The following AK9 variants were observed in gnomAD, a reference collection of about 807,000 sequenced individuals.
The protein encoded by AK9 is adenylate kinase domain containing 1.
AK9 carries 191 observed loss-of-function variants against 239.6 expected under a neutral mutation model. That is an observed-to-expected ratio of 0.80 (90% CI 0.71 to 0.90). The LOEUF (loss-of-function observed/expected upper bound fraction) is 0.90. Ranked by LOEUF, AK9 falls within the 40% of genes least tolerant of loss-of-function variation. AK9 has a pLI of 0.00. For missense variants in AK9, 1,995 were observed against 2,214.7 expected (o/e 0.90, Z 1.99); for synonymous variants, 689 against 721.0 (o/e 0.96, Z 0.71).
intron 8 of AK9, among the ~76,000 whole-genome samples, chr6:109,654,721 G>T (rs1323948503): frequency 6.6e-6 from 1 of 152,212 alleles, no homozygotes; most frequent in African/African-American, 2.4e-5. Context: ...TAAGGAAATG[G>T]ATACCTGCAC....
intron 33 of AK9, among the ~76,000 whole-genome samples, chr6:109,508,858 A>T (rs543476925): frequency 6.6e-6 from 1 of 152,166 alleles, no homozygotes; most frequent in Non-Finnish European, 1.5e-5. Flanking sequence ...CCATAACTTC[A>T]TGGGGCAGTG....
chr6:109,514,217 C>T lies in AK9; in HGVS notation c.4279+7G>A, dbSNP rs772829747. 41 of 1,546,556 alleles carry T rather than the reference C, an allele frequency of 2.7e-5. No individual in the cohort carries two copies. Among genetic ancestry groups the T allele is most frequent in the Middle Eastern group, 3.3e-4 (2 of 5,996 alleles). The stretch of plus-strand genomic sequence containing the variant: ...CTTGAGGAAAACAAAGGCAAACATA[C>T]GCTCACCTGTAGTTTTCCCAGATTT... On this transcript the variant is annotated splice_region_variant and intron_variant, in intron 32 of 40. Coordinates refer to ENST00000424296, the MANE Select transcript of AK9 (RefSeq NM_001145128.3).
chr6:109,522,369 T>C (rs1779959291), intron 29 of AK9, among the ~76,000 whole-genome samples: 1 of 152,030 alleles, frequency 6.6e-6, no homozygotes, highest in African/African-American at 2.4e-5. Context: ...AATATTTCCT[T>C]CTTTATTTTC....
chr6:109,678,342 T>G (rs1304446122), intron 1 of AK9, among the ~76,000 whole-genome samples: 2 of 152,220 alleles, frequency 1.3e-5, no homozygotes, highest in African/African-American at 2.4e-5. Flanking sequence ...GTCTTATTTA[T>G]GTAACATTCT....
In AK9 at chr6:109,622,166, T is replaced by G. The variant is rs1164021990; in HGVS notation, c.1255-2930A>C. Among the ~76,000 whole-genome samples, 14 of 146,140 alleles carry G rather than the reference T, an allele frequency of 9.6e-5. No homozygotes were observed. In the South Asian group the frequency reaches 3.0e-3, roughly 31 times the overall value. On this transcript the variant is annotated intron_variant, in intron 12 of 40. Coordinates refer to ENST00000424296, the MANE Select transcript of AK9 (RefSeq NM_001145128.3). ...TTTATACATTATATAATATACATTT[T>G]TATATATTTTATACATTATATATAA...
At chr6:109,629,301 A>C (rs1371612461) in intron 12 of AK9, among the ~76,000 whole-genome samples, 1 of 152,132 alleles carries the variant, frequency 6.6e-6, no homozygotes, top group Non-Finnish European at 1.5e-5. Flanking sequence ...CTCAAATTCT[A>C]TAATGTAACT....
At chr6:109,651,788 A>C (rs1197326169) in intron 8 of AK9, among the ~76,000 whole-genome samples, 3 of 152,172 alleles carry the variant, frequency 2.0e-5, no homozygotes, top group Non-Finnish European at 4.4e-5. Context: ...AATACTATAA[A>C]TACTAGAAAA....
intron 17 of AK9, among the ~76,000 whole-genome samples, chr6:109,586,673 G>A (rs1789543997): frequency 6.6e-6 from 1 of 152,072 alleles, no homozygotes; most frequent in African/African-American, 2.4e-5. Flanking sequence ...AGAGCTAAAA[G>A]GTACTGAGAT....
chr6:109,516,223 C>T (rs1448325660), intron 30 of AK9, 148 bp from the exon 31 acceptor site: 7 of 904,706 alleles, frequency 7.7e-6, no homozygotes, highest in Non-Finnish European at 1.1e-5. Flanking sequence ...ATGTTGGTGA[C>T]TAAACTTACT....
chr6:109,654,345 T>A (rs893608752), intron 8 of AK9, among the ~76,000 whole-genome samples: 6 of 151,820 alleles, frequency 4.0e-5, no homozygotes, highest in Admixed American at 6.6e-5. Flanking sequence ...ATATATATTT[T>A]TTTTCTTTTT....
chr6:109,620,308 C>G (rs1208105494), intron 12 of AK9, among the ~76,000 whole-genome samples: 1 of 152,136 alleles, frequency 6.6e-6, no homozygotes, highest in African/African-American at 2.4e-5. Flanking sequence ...CGCATCCTCA[C>G]CAACACTTGG....
intron 27 of AK9, among the ~76,000 whole-genome samples, chr6:109,541,489 C>A (rs1782876853): frequency 6.6e-6 from 1 of 152,226 alleles, no homozygotes. Context: ...CGGCTCACTG[C>A]AACCTCTGTC....
At chr6:109,497,393 C>CTCT (rs1305937222) in intron 38 of AK9, 72 bp downstream of exon 38, 1 of 884,438 alleles carries the variant, frequency 1.1e-6, no homozygotes, top group Admixed American at 2.0e-5. Flanking sequence ...CTCACACACT[C>CTCT]CTCTCCCCCG....
At chr6:109,542,411 G>A (rs935953889) in intron 26 of AK9, among the ~76,000 whole-genome samples, 25 of 152,066 alleles carry the variant, frequency 1.6e-4, no homozygotes, top group African/African-American at 5.8e-4. Flanking sequence ...TAGCACAGAG[G>A]GAAACTATAG....
intron 5 of AK9, among the ~76,000 whole-genome samples, chr6:109,667,122 G>A (rs1021146200): frequency 6.9e-6 from 1 of 144,070 alleles, no homozygotes; most frequent in East Asian, 2.1e-4. Context: ...ATTATAGATC[G>A]TGTAGGCCCT....
chr6:109,681,510 C>A (rs1264482524), intron 1 of AK9, among the ~76,000 whole-genome samples: 3 of 152,068 alleles, frequency 2.0e-5, no homozygotes, highest in East Asian at 3.9e-4. Context: ...GACTTTAACA[C>A]CCCATTGTCA....
chr6:109,590,922 A>T (rs1053180246), intron 17 of AK9, among the ~76,000 whole-genome samples: 1 of 152,128 alleles, frequency 6.6e-6, no homozygotes, highest in African/African-American at 2.4e-5. Flanking sequence ...TTTTTTTGAG[A>T]CTTGCCTTGT....
intron 32 of AK9, among the ~76,000 whole-genome samples, chr6:109,511,037 T>A (rs1481613574): frequency 1.3e-5 from 2 of 151,782 alleles, no homozygotes; most frequent in Admixed American, 6.6e-5. Flanking sequence ...CTGATAGATC[T>A]GGTTAATGAA....
At position 109,545,906 on chromosome 6, in the gene AK9, C is replaced by T. The variant is rs556172303; in HGVS notation, c.3186G>A (p.Gln1062=). The T allele has an allele frequency of 3.5e-5, 56 of 1,610,690 alleles. No individual in the cohort carries two copies. In the South Asian group the frequency reaches 5.7e-4, roughly 16 times the overall value. ...TTTCTTCCTCAACTTTGACATTGGC[C>T]TGAATTGCAAGCTCTTCAAGTTCTT... The part of the protein sequence containing the change: ...AKQELEELAI[Q]ANVKVEEENT... Residue 1062 remains glutamine (Q), a synonymous_variant, in exon 26 of 41, where the codon CAG becomes CAA. Transcript: ENST00000424296.
Sources: allele counts gnomAD v4.1 joint callset (sites outside exome capture counted in the v4.1 genomes callset), GRCh38; gene constraint gnomAD v4.1.1; transcripts MANE v1.5; gene names NCBI Gene and HGNC (gene_info 2026-07-23, HGNC 2026-07-21).